The following GLDC variants were observed in gnomAD, a reference collection of about 807,000 sequenced individuals.
The protein encoded by GLDC is glycine decarboxylase, also known as glycine dehydrogenase (decarboxylating), mitochondrial.
In GLDC, 104 loss-of-function variants were observed where a neutral mutation model predicts 121.3. The observed-to-expected ratio is 0.86, with a 90% CI of 0.73 to 1.01. GLDC has a LOEUF of 1.01. Among genes scored for constraint, GLDC ranks in the 50% least tolerant of loss-of-function variants. The pLI is 0.00. For synonymous variants in GLDC, 546 were observed against 480.6 expected, an observed-to-expected ratio of 1.14 and a Z score of -1.78; for missense variants, 1,429 against 1,306.6, an observed-to-expected ratio of 1.09 and a Z score of -1.44.
chr9:6,623,325 T>G (rs577132461), intron 2 of GLDC, among the ~76,000 whole-genome samples: 46 of 140,068 alleles, frequency 3.3e-4, no homozygotes, highest in South Asian at 2.1e-3. Flanking sequence ...CCCCCAACCC[T>G]GTGCTCTCTG....
chr9:6,543,316 C>T lies in GLDC; in HGVS notation c.2570-3170G>A, dbSNP rs145770568. 1.3e-3 allele frequency among the ~76,000 whole-genome samples: 198 copies of T among 152,088 alleles called. 1 individual carries two copies. The highest frequency in any genetic ancestry group is 4.1e-3 in the African/African-American group (171 of 41,466). ...CCTGATTGTGACAATGATTGGAGGACGAAGGCTAATGGAAGCTCACTGCTC... is the reference window on the plus strand; with the variant it reads ...CCTGATTGTGACAATGATTGGAGGATGAAGGCTAATGGAAGCTCACTGCTC... On this transcript the variant is annotated intron_variant, in intron 21 of 24. Coordinates refer to ENST00000321612, the MANE Select transcript of GLDC (RefSeq NM_000170.3).
chr9:6,576,017 A>G (rs1488983231), intron 15 of GLDC, among the ~76,000 whole-genome samples: 1 of 152,164 alleles, frequency 6.6e-6, no homozygotes, highest in Non-Finnish European at 1.5e-5. Flanking sequence ...GCTTCTTGAC[A>G]TTTTTTCTTT....
intron 18 of GLDC, among the ~76,000 whole-genome samples, chr9:6,555,297 G>C (rs1238021079): frequency 6.6e-6 from 1 of 152,176 alleles, no homozygotes; most frequent in Non-Finnish European, 1.5e-5. Context: ...CAGTCTTCCC[G>C]AGATGACCCA....
chr9:6,595,158 G>C, intron 8 of GLDC, 39 bp from the exon 9 acceptor site: 1 of 1,267,392 alleles, frequency 7.9e-7, no homozygotes, highest in Non-Finnish European at 1.2e-6. Flanking sequence ...CGTGATGGAG[G>C]ACAATTAGTG....
intron 7 of GLDC, among the ~76,000 whole-genome samples, chr9:6,603,771 C>T (rs1341998388): frequency 2.0e-5 from 3 of 150,242 alleles, no homozygotes; most frequent in Non-Finnish European, 4.4e-5. Flanking sequence ...CGCTCTGCAC[C>T]CAAACTGGAG....
At chr9:6,621,059 T>G (rs1819082946) in intron 2 of GLDC, among the ~76,000 whole-genome samples, 1 of 151,980 alleles carries the variant, frequency 6.6e-6, no homozygotes, top group African/African-American at 2.4e-5. Flanking sequence ...GGTCCCAGAT[T>G]CTTGGGAGGC....
At chr9:6,612,089 C>A (rs116054761) in intron 3 of GLDC, among the ~76,000 whole-genome samples, 2,448 of 152,104 alleles carry the variant, frequency 0.016, 71 homozygotes, top group African/African-American at 0.056. Context: ...TCATTCATTC[C>A]AGTTCACCAC....
chr9:6,607,301 G>A (rs141561298), intron 4 of GLDC, among the ~76,000 whole-genome samples: 1 of 152,112 alleles, frequency 6.6e-6, no homozygotes, highest in Non-Finnish European at 1.5e-5. Flanking sequence ...AGTGTAAACT[G>A]GACAGGTGCG....
chr9:6,584,613 A>T (rs1390896825), intron 15 of GLDC, among the ~76,000 whole-genome samples: 1 of 152,208 alleles, frequency 6.6e-6, no homozygotes, highest in Non-Finnish European at 1.5e-5. Context: ...TAAGACATCA[A>T]ATTGCTTTAC....
At chr9:6,560,574 A>G (rs1251599761) in intron 16 of GLDC, among the ~76,000 whole-genome samples, 1 of 152,260 alleles carries the variant, frequency 6.6e-6, no homozygotes, top group Non-Finnish European at 1.5e-5. Flanking sequence ...AGTCTACAAA[A>G]GGATCGTTGG....
At chr9:6,586,466 T>C (rs1818274639) in intron 15 of GLDC, among the ~76,000 whole-genome samples, 1 of 152,186 alleles carries the variant, frequency 6.6e-6, no homozygotes, top group Admixed American at 6.5e-5. Context: ...TTCAAAGTCT[T>C]TCCTTTACAA....
intron 19 of GLDC, among the ~76,000 whole-genome samples, chr9:6,553,876 T>TG (rs933353006): frequency 1.3e-5 from 2 of 152,134 alleles, no homozygotes; most frequent in Non-Finnish European, 1.5e-5. Flanking sequence ...AGATGCCCCA[T>TG]GGGCTGACAT....
intron 23 of GLDC, among the ~76,000 whole-genome samples, chr9:6,535,709 A>G (rs1817112676): frequency 6.6e-6 from 1 of 152,220 alleles, no homozygotes; most frequent in Admixed American, 6.5e-5. Context: ...GTTTTCTCAG[A>G]GATAACTGCT....
At chr9:6,643,448 A>T (rs1007461879) in intron 2 of GLDC, among the ~76,000 whole-genome samples, 2 of 150,516 alleles carry the variant, frequency 1.3e-5, no homozygotes, top group African/African-American at 4.9e-5. Context: ...ATAGCAACAA[A>T]ATAAAACAGC....
intron 3 of GLDC, among the ~76,000 whole-genome samples, chr9:6,619,579 T>A (rs1202491022): frequency 6.6e-6 from 1 of 151,898 alleles, no homozygotes; most frequent in Non-Finnish European, 1.5e-5. Flanking sequence ...AATACAAAAA[T>A]TAGCCGGGGG....
At chr9:6,554,820 C>G in intron 18 of GLDC, 39 bp from the exon 19 acceptor site, 1 of 1,475,574 alleles carries the variant, frequency 6.8e-7, no homozygotes, top group South Asian at 1.2e-5. Flanking sequence ...AAGTCAAGAG[C>G]TTGGAAGCAC....
intron 2 of GLDC, among the ~76,000 whole-genome samples, chr9:6,640,144 T>A (rs927354896): frequency 6.6e-6 from 1 of 152,254 alleles, no homozygotes; most frequent in South Asian, 2.1e-4. Flanking sequence ...TCTGCCAATA[T>A]GCAAGTCTGA....
At chr9:6,592,071 T>C in intron 11 of GLDC, 72 bp downstream of exon 11, 1 of 921,888 alleles carries the variant, frequency 1.1e-6, no homozygotes, top group Non-Finnish European at 1.8e-6. Context: ...TCCCTCACAC[T>C]CAGGGGATAA....
intron 7 of GLDC, 128 bp downstream of exon 7, chr9:6,604,460 A>G (rs535869444): frequency 2.6e-4 from 225 of 857,566 alleles, no homozygotes; most frequent in Non-Finnish European, 2.8e-4. Flanking sequence ...TTCTGAATCT[A>G]TGTTGTACAT....
Sources: gnomAD v4.1 joint callset for allele counts (sites outside exome capture counted in the v4.1 genomes callset) on GRCh38, gnomAD v4.1.1 for gene constraint, MANE v1.5 for transcripts, NCBI Gene and HGNC (gene_info 2026-07-23, HGNC 2026-07-21) for gene names.